Variants in PCDH11X observed in about 807,000 individuals in gnomAD.
PCDH11X encodes the protein protocadherin-11 X-linked.
Under a neutral mutation model 53.3 loss-of-function variants are expected in PCDH11X, and 18 were observed. That is an observed-to-expected ratio of 0.34 (90% CI 0.23 to 0.50). The LOEUF (loss-of-function observed/expected upper bound fraction) is 0.50, where lower values mean the gene tolerates loss of function less well. PCDH11X is among the 20% of genes least tolerant of loss of function. The pLI is 0.98. For missense variants in PCDH11X, 570 were observed against 1,032.4 expected (o/e 0.55, Z 6.14); for synonymous variants, 279 against 393.3 (o/e 0.71, Z 3.44).
chrX:92,220,440 A>G (rs1322516176), intron 7 of PCDH11X, among the ~76,000 whole-genome samples: 2 of 106,055 alleles, frequency 1.9e-5, no homozygotes, highest in African/African-American at 3.5e-5. Context: ...CAAAAAACAC[A>G]TGAAAAAATG....
At chrX:92,272,742 A>G (rs1242139703) in intron 8 of PCDH11X, among the ~76,000 whole-genome samples, 1 of 112,224 alleles carries the variant, frequency 8.9e-6, no homozygotes. Flanking sequence ...CATATGTGGA[A>G]TGGTTTCTGT....
chrX:92,559,867 G>T (rs1166699020), intron 10 of PCDH11X, among the ~76,000 whole-genome samples: 1 of 111,028 alleles, frequency 9.0e-6, no homozygotes, highest in African/African-American at 3.3e-5. Context: ...AACATGAAAG[G>T]CAATGTGAGA....
intron 1 of PCDH11X, among the ~76,000 whole-genome samples, chrX:91,803,956 A>C (rs944346822): frequency 1.3e-4 from 15 of 111,244 alleles, no homozygotes; most frequent in Non-Finnish European, 2.3e-4. Context: ...GCCTGAGTAG[A>C]AAACTGAATT....
At position 92,498,342 on chromosome X, in the gene PCDH11X, A is replaced by C. The variant is rs2073896928; in HGVS notation, c.3367+30020A>C. On this transcript the variant is annotated intron_variant, in intron 10 of 10. Coordinates refer to ENST00000682573, the MANE Select transcript of PCDH11X (RefSeq NM_032968.5). Reference sequence around the variant, plus strand: ...GTTTCTATAACAACGATGCTATCCTATTGGGACCACATGGTATCACATATG... The same window carrying C: ...GTTTCTATAACAACGATGCTATCCTCTTGGGACCACATGGTATCACATATG... Among the ~76,000 whole-genome samples, 4 of 110,559 alleles carry C rather than the reference A, an allele frequency of 3.6e-5. No homozygotes were observed. In the Admixed American group the frequency reaches 3.9e-4, roughly 11 times the overall value.
chrX:92,533,390 G>T (rs1426118828), intron 10 of PCDH11X, among the ~76,000 whole-genome samples: 4 of 106,606 alleles, frequency 3.8e-5, no homozygotes, highest in Non-Finnish European at 5.8e-5. Flanking sequence ...GTTACAGATG[G>T]TCTCTCTGTG....
At chrX:92,572,386 ACTGT>A (rs1312828278) in intron 10 of PCDH11X, among the ~76,000 whole-genome samples, 2 of 105,346 alleles carry the variant, frequency 1.9e-5, no homozygotes, top group East Asian at 2.9e-4. Flanking sequence ...AAACTGCTTG[ACTGT>A]CTGACTGCTG....
In PCDH11X at chrX:91,845,622, A is replaced by G. The variant is rs753393840; in HGVS notation, c.540+9578A>G. On this transcript the variant is annotated intron_variant, in intron 5 of 10. Coordinates refer to ENST00000682573, the MANE Select transcript of PCDH11X (RefSeq NM_032968.5). The stretch of plus-strand genomic sequence containing the variant: ...GAATGGATATATGGCCCTAAATTGG[A>G]AAGTCATTGGCTGGCTTCTGTATAG... Among the ~76,000 whole-genome samples, 70 of 111,768 alleles carry G rather than the reference A, an allele frequency of 6.3e-4. No individual in the cohort carries two copies. In the Admixed American group the frequency reaches 6.5e-3, roughly 10 times the overall value.
chrX:92,024,856 A>G (rs1402435048), intron 6 of PCDH11X, among the ~76,000 whole-genome samples: 1 of 109,263 alleles, frequency 9.2e-6, no homozygotes, highest in Non-Finnish European at 1.9e-5. Flanking sequence ...GACCTCAGAA[A>G]TACCACCACA....
At chrX:92,314,045 A>G (rs937993700) in intron 8 of PCDH11X, among the ~76,000 whole-genome samples, 4 of 111,811 alleles carry the variant, frequency 3.6e-5, no homozygotes, top group Non-Finnish European at 7.5e-5. Context: ...TCTTTCTTCA[A>G]TAATAAATGA....
intron 8 of PCDH11X, among the ~76,000 whole-genome samples, chrX:92,374,936 C>T (rs1053573510): frequency 1.8e-4 from 19 of 107,455 alleles, no homozygotes; most frequent in African/African-American, 6.4e-4. Context: ...TTATTGCTGT[C>T]AAATCAATGA....
chrX:92,475,121 C>T (rs1390367934), intron 10 of PCDH11X, among the ~76,000 whole-genome samples: 3 of 91,305 alleles, frequency 3.3e-5, no homozygotes, highest in East Asian at 3.6e-4. Flanking sequence ...GCCGAGATCC[C>T]GCCACTGCAC....
chrX:92,179,127 T>A (rs1011364978), intron 6 of PCDH11X, among the ~76,000 whole-genome samples: 3 of 112,147 alleles, frequency 2.7e-5, no homozygotes, highest in African/African-American at 9.7e-5. Context: ...TAATTTGAAC[T>A]AATCCAACCC....
intron 9 of PCDH11X, among the ~76,000 whole-genome samples, chrX:92,458,655 T>C (rs1280489530): frequency 3.6e-5 from 4 of 111,717 alleles, no homozygotes; most frequent in African/African-American, 1.3e-4. Flanking sequence ...TCTGACTTAA[T>C]TCACTTAACA....
intron 6 of PCDH11X, among the ~76,000 whole-genome samples, chrX:92,002,739 T>A (rs1309551916): frequency 1.9e-5 from 2 of 107,940 alleles, no homozygotes; most frequent in Non-Finnish European, 3.8e-5. Flanking sequence ...TATGTTGATT[T>A]TGTATCCTGC....
chrX:92,275,052 G>A (rs1304646760), intron 8 of PCDH11X, among the ~76,000 whole-genome samples: 7 of 103,703 alleles, frequency 6.8e-5, no homozygotes, highest in Non-Finnish European at 1.2e-4. Context: ...CAGTTATGAG[G>A]AAGAAAATAG....
At chrX:92,510,707 T>C (rs1310669656) in intron 10 of PCDH11X, among the ~76,000 whole-genome samples, 1 of 110,439 alleles carries the variant, frequency 9.1e-6, no homozygotes, top group African/African-American at 3.3e-5. Context: ...CTTGGATAGT[T>C]CTAGAAGGTG....
intron 9 of PCDH11X, among the ~76,000 whole-genome samples, chrX:92,444,062 G>T (rs969712479): frequency 9.0e-6 from 1 of 110,605 alleles, no homozygotes; most frequent in African/African-American, 3.3e-5. Context: ...TTCTAGTTCT[G>T]TAAAAAATGA....
rs748958182 is a variant in PCDH11X, at chrX:91,780,068, G to A, written c.-379+384G>A. On this transcript the variant is annotated intron_variant, in intron 1 of 10. Transcript: ENST00000682573. ...GGGAAACTCTAAGATTGGGGCGGGT[G>A]TTGACAAAAGAGCACGTCCCGGACT... 1.2e-3 allele frequency among the ~76,000 whole-genome samples: 136 copies of A among 112,129 alleles called. 1 individual carries two copies. Among genetic ancestry groups the A allele is most frequent in the South Asian group, 0.011 (29 of 2,677 alleles).
At chrX:92,232,647 A>T (rs2067096943) in intron 7 of PCDH11X, among the ~76,000 whole-genome samples, 1 of 112,263 alleles carries the variant, frequency 8.9e-6, no homozygotes, top group Non-Finnish European at 1.9e-5. Context: ...ATCTAAAGAT[A>T]AAAATATAAT....
Sources: gnomAD v4.1 joint callset for allele counts (sites outside exome capture counted in the v4.1 genomes callset) on GRCh38, gnomAD v4.1.1 for gene constraint, MANE v1.5 for transcripts, NCBI Gene and HGNC (gene_info 2026-07-23, HGNC 2026-07-21) for gene names.